Variants in CLRN3 observed in about 807,000 individuals in gnomAD.
The protein encoded by CLRN3 is clarin 3, also known as clarin-3.
Under a neutral mutation model 16.7 loss-of-function variants are expected in CLRN3, and 12 were observed. The ratio of observed to expected loss-of-function variants is 0.72; its 90% CI spans 0.46 to 1.16. The LOEUF is 1.16. Ranked by LOEUF, CLRN3 falls within the 50% of genes most tolerant of loss-of-function variation. CLRN3 has a pLI of 0.00. For synonymous variants in CLRN3, 118 were observed against 113.0 expected (o/e 1.04, Z -0.28); for missense variants, 296 against 274.2 (o/e 1.08, Z -0.56).
chr10:127,883,604 T>C (rs1015979914), intron 2 of CLRN3, 92 bp downstream of exon 2: 1 of 918,870 alleles, frequency 1.1e-6, no homozygotes, highest in Non-Finnish European at 1.8e-6. Context: ...TAAACGTGAC[T>C]GTGTATGTTC....
At position 127,890,894 on chromosome 10, in the gene CLRN3, C is replaced by T. The variant is rs1845250370; in HGVS notation, c.229+1662G>A. ...TATTACAATCATTGGCAATAAAGAT[C>T]CCCTAGGCTCTGAGAGGTCCTTAGG... On this transcript the variant is annotated intron_variant, in intron 1 of 2. Transcript: ENST00000368671. Among the ~76,000 whole-genome samples, 3 of 152,268 alleles carry T rather than the reference C, an allele frequency of 2.0e-5. No individual in the cohort carries two copies. The South Asian group carries it at 6.2e-4, about 32-fold the overall frequency.
intron 2 of CLRN3, among the ~76,000 whole-genome samples, chr10:127,882,646 G>A (rs1432129210): frequency 6.6e-6 from 1 of 152,204 alleles, no homozygotes; most frequent in Non-Finnish European, 1.5e-5. Flanking sequence ...CTCGTGGTAA[G>A]GATGACACTC....
rs373546210 is a variant in CLRN3, at chr10:127,878,363, A to G, written c.467T>C (p.Leu156Pro). Residue 156 changes from leucine to proline, a missense_variant, in exon 3 of 3, where the codon CTC (leucine) becomes CCC (proline). Physicochemically the swap from Leu to Pro is moderately conservative, Grantham distance 98 (BLOSUM62 -3). Coordinates refer to ENST00000368671, the MANE Select transcript of CLRN3 (RefSeq NM_152311.5). ...LFVANTQSNQ[L>P]SEELFQMLYP... ...AAGCATTTGGAACAACTCTTCGGAG[A>G]GTTGGTTGGACTGCGTGTTCGCCAC... 6.2e-7 allele frequency: 1 copy of G among 1,614,172 alleles called. No homozygotes were observed. Among genetic ancestry groups the G allele is most frequent in the South Asian group, 1.1e-5 (1 of 91,062 alleles).
chr10:127,877,980 G>A lies in CLRN3; in HGVS notation c.*169C>T. 3.7e-6 allele frequency: 3 copies of A among 808,988 alleles called. No individual in the cohort carries two copies. The highest frequency in any genetic ancestry group is 2.7e-5 in the East Asian group (1 of 36,860). The allele number at this position is 808,988 out of a possible 1,614,324, so 50.1% of individuals were successfully genotyped here. A position where few individuals can be genotyped will look rare whatever the true frequency, so the allele number is the denominator to read the frequency against. ...CCCATTCATTTCCCCAACCTTGTGGGAAAAATTTTCAGGAGTACAGCATCA... is the reference window on the plus strand; with the variant it reads ...CCCATTCATTTCCCCAACCTTGTGGAAAAAATTTTCAGGAGTACAGCATCA... On this transcript the variant is annotated 3_prime_UTR_variant, in exon 3 of 3. Transcript: ENST00000368671.
chr10:127,887,110 T>C (rs1845204768), intron 1 of CLRN3, among the ~76,000 whole-genome samples: 1 of 152,148 alleles, frequency 6.6e-6, no homozygotes, highest in Non-Finnish European at 1.5e-5. Flanking sequence ...TGCTACAATT[T>C]AGCACACACT....
chr10:127,888,659 C>T (rs1210416882), intron 1 of CLRN3, among the ~76,000 whole-genome samples: 5 of 152,140 alleles, frequency 3.3e-5, no homozygotes, highest in African/African-American at 1.2e-4. Context: ...GAGAGACTCC[C>T]GCCAGCTGCA....
At chr10:127,883,925 T>G in intron 1 of CLRN3, 50 bp from the exon 2 acceptor site, 11 of 1,545,320 alleles carry the variant, frequency 7.1e-6, no homozygotes, top group East Asian at 4.5e-5. Flanking sequence ...ACACCAGCTC[T>G]GGCCTGGCAT....
rs575239238 is a variant in CLRN3, at chr10:127,889,807, G to C, written c.229+2749C>G. ...TCATGTTTGCCAGTGTGAGGAAACA[G>C]AGCACATTGTGCTTCCGGGGCCCTG... On this transcript the variant is annotated intron_variant, in intron 1 of 2. Transcript: ENST00000368671. 1.2e-3 allele frequency among the ~76,000 whole-genome samples: 190 copies of C among 152,316 alleles called. 1 individual carries two copies. Among genetic ancestry groups the C allele is most frequent in the African/African-American group, 4.5e-3 (187 of 41,552 alleles).
intron 2 of CLRN3, among the ~76,000 whole-genome samples, chr10:127,880,507 A>C (rs1845116886): frequency 2.6e-5 from 4 of 152,110 alleles, no homozygotes; most frequent in Admixed American, 2.6e-4. Flanking sequence ...CCTCCTGATC[A>C]CTTTCCACTC....
chr10:127,882,928 G>A (rs1845146339), intron 2 of CLRN3, among the ~76,000 whole-genome samples: 1 of 152,204 alleles, frequency 6.6e-6, no homozygotes, highest in African/African-American at 2.4e-5. Context: ...AGGGCAAATA[G>A]GTACTTCCCC....
chr10:127,891,696 C>A (rs1310305678), intron 1 of CLRN3, among the ~76,000 whole-genome samples: 3 of 152,220 alleles, frequency 2.0e-5, no homozygotes, highest in East Asian at 1.9e-4. Context: ...CAAACTTCTT[C>A]ATGCATTACA....
rs141771225 is a variant in CLRN3, at chr10:127,883,728, G to C, written c.377C>G (p.Pro126Arg). 1 of 1,613,802 alleles carries C rather than the reference G, an allele frequency of 6.2e-7. No homozygotes were observed. Among genetic ancestry groups the C allele is most frequent in the Non-Finnish European group, 8.5e-7 (1 of 1,179,796 alleles). The change falls in exon 2 of 3, where the codon CCG becomes CGG. Residue 126 changes from proline (P) to arginine (R), a missense_variant. By Grantham distance (103) the Pro-to-Arg change is moderately radical. Transcript: ENST00000368671. ...CCCGTTCCAGGTGTACACCCCCGTCGGCCCCAGGAATGTCTGGTAAGGGTT... is the reference window on the plus strand; with the variant it reads ...CCCGTTCCAGGTGTACACCCCCGTCCGCCCCAGGAATGTCTGGTAAGGGTT... ...ISNPYQTFLG[P>R]TGVYTWNGLG...
At position 127,878,349 on chromosome 10, in the gene CLRN3, A is replaced by G. The variant is rs1356411415; in HGVS notation, c.481T>C (p.Phe161Leu). ...GTGGTTGCCGGGTAAAGCATTTGGA[A>G]CAACTCTTCGGAGAGTTGGTTGGAC... ...TQSNQLSEEL[F>L]QMLYPATTSK... The change falls in exon 3 of 3, where the codon TTC becomes CTC. Residue 161 changes from phenylalanine to leucine, a missense_variant. Physicochemically the swap from Phe to Leu is conservative, Grantham distance 22 (BLOSUM62 0). Coordinates refer to ENST00000368671, the MANE Select transcript of CLRN3 (RefSeq NM_152311.5). 1.9e-6 allele frequency: 3 copies of G among 1,614,054 alleles called. No homozygotes were observed. Among genetic ancestry groups the G allele is most frequent in the Admixed American group, 1.7e-5 (1 of 59,994 alleles).
At chr10:127,883,093 C>T (rs186580284) in intron 2 of CLRN3, among the ~76,000 whole-genome samples, 11 of 152,344 alleles carry the variant, frequency 7.2e-5, no homozygotes, top group African/African-American at 2.6e-4. Flanking sequence ...AGCAACACCA[C>T]CCAGCAACAC....
At chr10:127,883,636 A>T in intron 2 of CLRN3, 60 bp downstream of exon 2, 1 of 1,186,032 alleles carries the variant, frequency 8.4e-7, no homozygotes, top group Non-Finnish European at 1.3e-6. Context: ...AGAGGCAGAG[A>T]CATGGGGACA....
At chr10:127,879,768 T>C (rs1409024437) in intron 2 of CLRN3, among the ~76,000 whole-genome samples, 1 of 152,208 alleles carries the variant, frequency 6.6e-6, no homozygotes, top group Non-Finnish European at 1.5e-5. Context: ...GTATGGTGTG[T>C]GACTCATGTG....
intron 2 of CLRN3, 59 bp from the exon 3 acceptor site, chr10:127,878,479 T>C: frequency 1.3e-6 from 2 of 1,596,002 alleles, no homozygotes; most frequent in Non-Finnish European, 8.5e-7. Context: ...ATGTCACTTA[T>C]CTTTATGGAA....
chr10:127,878,182 C>A lies in CLRN3; in HGVS notation c.648G>T (p.Met216Ile). ...YQRKQEQRKPMEYAPRDGILF is the reference protein window; with the variant it reads ...YQRKQEQRKPIEYAPRDGILF ...AAATTCCGTCCCTTGGAGCATATTC[C>A]ATTGGCTTTCTCTGCTCCTGCTTCC... Residue 216 changes from methionine (M) to isoleucine (I), a missense_variant, in exon 3 of 3, where the codon ATG becomes ATT. Met to Ile is a conservative substitution (Grantham distance 10). Transcript: ENST00000368671. 1.2e-6 allele frequency: 2 copies of A among 1,613,846 alleles called. No homozygotes were observed. The highest frequency in any genetic ancestry group is 1.7e-6 in the Non-Finnish European group (2 of 1,179,744).
At position 127,892,435 on chromosome 10, in the gene CLRN3, C is replaced by A. The variant is rs1040800304; in HGVS notation, c.229+121G>T. 1.1e-5 allele frequency: 7 copies of A among 661,442 alleles called. No homozygotes were observed. In the African/African-American group the frequency reaches 1.1e-4, roughly 10 times the overall value. The allele number at this position is 661,442 out of a possible 1,614,324, so 41.0% of individuals were successfully genotyped here. A position where few individuals can be genotyped will look rare whatever the true frequency, so the allele number is the denominator to read the frequency against. ...CCAAAATTATGAGTTAAGCTTGTAC[C>A]TTCAGCCTAACCCAAAACTTACAAA... On this transcript the variant is annotated intron_variant, in intron 1 of 2. Coordinates refer to ENST00000368671, the MANE Select transcript of CLRN3 (RefSeq NM_152311.5).
Sources: gnomAD v4.1 joint callset for allele counts (sites outside exome capture counted in the v4.1 genomes callset) on GRCh38, gnomAD v4.1.1 for gene constraint, MANE v1.5 for transcripts, NCBI Gene and HGNC (gene_info 2026-07-23, HGNC 2026-07-21) for gene names.